Variants in TAS2R1 observed in about 807,000 individuals in gnomAD.
TAS2R1 encodes the protein taste 2 receptor member 1, also known as taste receptor type 2 member 1.
For synonymous variants in TAS2R1, 141 were observed against 134.2 expected (o/e 1.05, Z -0.35); for missense variants, 370 against 353.4 (o/e 1.05, Z -0.38).
chr5:9,762,775 G>T, the TAS2R1 span, among the ~76,000 whole-genome samples: 1 of 152,176 alleles, frequency 6.6e-6, no homozygotes, highest in South Asian at 2.1e-4. Context: ...AAATAGCCTT[G>T]TGGCAATGGA....
chr5:9,734,156 G>A, the TAS2R1 span, among the ~76,000 whole-genome samples: 7 of 152,182 alleles, frequency 4.6e-5, no homozygotes, highest in Non-Finnish European at 8.8e-5. Flanking sequence ...AGGACACCAT[G>A]AGAATAATCT....
chr5:9,716,728 T>C (rs4702641), upstream of TAS2R1, among the ~76,000 whole-genome samples: 15,276 of 152,168 alleles, frequency 0.1, 914 homozygotes, highest in Admixed American at 0.21. Flanking sequence ...CTGTAATCTA[T>C]GATCATGCAT....
chr5:9,721,056 G>T, the TAS2R1 span, among the ~76,000 whole-genome samples: 1 of 152,186 alleles, frequency 6.6e-6, no homozygotes, highest in African/African-American at 2.4e-5. Context: ...GGTTTCCCTT[G>T]CCCATGTGCA....
rs924553472 is a variant in TAS2R1 at position 9,673,680 on chromosome 5, G to T, written c.-241-14099C>A. Among the ~76,000 whole-genome samples the T allele has an allele frequency of 3.6e-4, 54 of 151,994 alleles. 1 individual carries two copies. Among genetic ancestry groups the T allele is most frequent in the African/African-American group, 1.2e-3 (51 of 41,512 alleles). On this transcript the variant is annotated intron_variant, in intron 1 of 2. Transcript: ENST00000506620. ...AGAATTTATCCAGAAAAAGGGGAAT[G>T]AAAAAGTTTAGCGTTACCAGAGGTT... is the stretch of plus-strand genomic sequence containing the variant.
the TAS2R1 span, among the ~76,000 whole-genome samples, chr5:9,724,518 G>A: frequency 1.3e-5 from 2 of 151,974 alleles, no homozygotes; most frequent in Admixed American, 1.3e-4. Context: ...CCACCATGTA[G>A]GGACTGCAAA....
chr5:9,713,973 T>C (rs1350116487), upstream of TAS2R1: 1 of 152,246 alleles, frequency 6.6e-6, no homozygotes, highest in Non-Finnish European at 1.5e-5. Context: ...TATCTTCATG[T>C]CATTATATAA....
the TAS2R1 span, among the ~76,000 whole-genome samples, chr5:9,720,920 C>A: frequency 1.3e-5 from 2 of 152,206 alleles, no homozygotes; most frequent in Non-Finnish European, 2.9e-5. Flanking sequence ...TGTCACATTC[C>A]ATTAGACAGA....
At chr5:9,708,364 T>C (rs969212147) in intron 1 of TAS2R1, among the ~76,000 whole-genome samples, 1 of 152,224 alleles carries the variant, frequency 6.6e-6, no homozygotes. Flanking sequence ...CTCTCCTACA[T>C]GGTTTTCTTC....
the TAS2R1 span, among the ~76,000 whole-genome samples, chr5:9,804,597 G>A: frequency 2.1e-4 from 32 of 151,960 alleles, no homozygotes; most frequent in Admixed American, 5.2e-4. Flanking sequence ...AGAAACCCTC[G>A]AAACCATGCA....
the TAS2R1 span, among the ~76,000 whole-genome samples, chr5:9,747,566 G>A: frequency 6.6e-6 from 1 of 152,072 alleles, no homozygotes; most frequent in African/African-American, 2.4e-5. Flanking sequence ...AGCAAGAAGA[G>A]AACTCACTCA....
chr5:9,837,866 C>A, the TAS2R1 span, among the ~76,000 whole-genome samples: 4 of 152,152 alleles, frequency 2.6e-5, no homozygotes, highest in Non-Finnish European at 5.9e-5. Context: ...TAGAAAAGCA[C>A]CTGGTATATA....
chr5:9,881,015 G>A, the TAS2R1 span, among the ~76,000 whole-genome samples: 76 of 152,212 alleles, frequency 5.0e-4, no homozygotes, highest in African/African-American at 1.5e-3. Flanking sequence ...CACAGTCTCC[G>A]TGGATCAGCA....
intron 2 of TAS2R1, among the ~76,000 whole-genome samples, chr5:9,643,849 C>T (rs552045579): frequency 1.3e-5 from 2 of 152,074 alleles, no homozygotes; most frequent in East Asian, 1.9e-4. Flanking sequence ...GAAAGAGGTG[C>T]TATTTTAGAA....
At chr5:9,660,749 C>A (rs1453135840) in intron 1 of TAS2R1, among the ~76,000 whole-genome samples, 1 of 152,118 alleles carries the variant, frequency 6.6e-6, no homozygotes, top group Non-Finnish European at 1.5e-5. Context: ...CTGAGTGGAT[C>A]CAGTCTAATT....
Position 9,629,850 on chromosome 5 carries a change from G to C in TAS2R1, c.183C>G (p.Phe61Leu). 1 of 1,613,504 alleles carries C rather than the reference G, an allele frequency of 6.2e-7. No homozygotes were observed. The highest frequency in any genetic ancestry group is 1.1e-5 in the South Asian group (1 of 90,964). The part of the protein sequence containing the change: ...LAVSRIFLQL[F>L]IFYVNVIVIF... ...TAACAATCACATTAACGTAGAAGAT[G>C]AACAACTGCAGAAAAATTCTAGAAA... is the stretch of plus-strand genomic sequence containing the variant. The change falls in exon 1 of 1, where the codon TTC becomes TTG. Residue 61 changes from phenylalanine to leucine, a missense_variant. Physicochemically the swap from Phe to Leu is conservative, Grantham distance 22 (BLOSUM62 0). Transcript: ENST00000382492.
rs1315546204 is a variant in TAS2R1 at position 9,628,106 on chromosome 5, C to A, written c.*1027G>T. On this transcript the variant is annotated 3_prime_UTR_variant, in exon 1 of 1. Transcript: ENST00000382492. ...GTTCTGAAGCTGTTTTGGAAATATA[C>A]AAGTATATCTATCTCCATAATTTAT... Among the ~76,000 whole-genome samples the A allele has an allele frequency of 6.6e-6, 1 of 151,444 alleles. No homozygotes were observed. Among genetic ancestry groups the A allele is most frequent in the Non-Finnish European group, 1.5e-5 (1 of 67,944 alleles).
the TAS2R1 span, among the ~76,000 whole-genome samples, chr5:9,740,661 G>C: frequency 6.6e-6 from 1 of 152,138 alleles, no homozygotes; most frequent in Non-Finnish European, 1.5e-5. Flanking sequence ...GAGTGGGCAG[G>C]GGTTAAGGGG....
rs549091519 is a variant in TAS2R1, at chr5:9,693,118, G to A, written c.-242+19054C>T. ...TCCACAGAGATTGACAGGTGCAGCT[G>A]AGATGGCTTTCTGCCTTCATCCCCC... On this transcript the variant is annotated intron_variant, in intron 1 of 2. Transcript: ENST00000506620. Among the ~76,000 whole-genome samples, 17 of 152,256 alleles carry A rather than the reference G, an allele frequency of 1.1e-4. No homozygotes were observed. In the East Asian group the frequency reaches 1.9e-3, roughly 17 times the overall value.
chr5:9,687,350 T>G (rs1741149136), intron 1 of TAS2R1, among the ~76,000 whole-genome samples: 1 of 152,194 alleles, frequency 6.6e-6, no homozygotes, highest in Non-Finnish European at 1.5e-5. Flanking sequence ...AATGCTACAT[T>G]TAAAAAATAC....
Sources: allele counts gnomAD v4.1 joint callset (sites outside exome capture counted in the v4.1 genomes callset), GRCh38; gene constraint gnomAD v4.1.1; transcripts MANE v1.5; gene names NCBI Gene and HGNC (gene_info 2026-07-23, HGNC 2026-07-21).